The following CNBD1 variants were observed in gnomAD, a reference collection of about 807,000 sequenced individuals.
The protein encoded by CNBD1 is cyclic nucleotide-binding domain-containing protein 1.
A neutral mutation model predicts 54.4 loss-of-function variants in CNBD1; 71 were observed. The observed-to-expected ratio is 1.30, with a 90% confidence interval of 1.08 to 1.59. The LOEUF (loss-of-function observed/expected upper bound fraction) is 1.59, where lower values mean the gene tolerates loss of function less well. CNBD1 is among the 40% of genes most tolerant of loss of function. The probability of loss-of-function intolerance (pLI) is 0.00; values close to 1 mark genes in which losing one functional copy is unlikely to be tolerated. For missense variants in CNBD1, 659 were observed against 518.0 expected (o/e 1.27, Z -2.64); for synonymous variants, 182 against 170.7 (o/e 1.07, Z -0.51).
chr8:87,367,043 G>A (rs1810655694), intron 10 of CNBD1, among the ~76,000 whole-genome samples: 1 of 151,972 alleles, frequency 6.6e-6, no homozygotes, highest in Non-Finnish European at 1.5e-5. Flanking sequence ...TTCCTCTGCT[G>A]AGGGTACTTT....
At chr8:86,996,720 T>C (rs1808878674) in intron 4 of CNBD1, among the ~76,000 whole-genome samples, 2 of 152,308 alleles carry the variant, frequency 1.3e-5, no homozygotes, top group East Asian at 3.9e-4. Flanking sequence ...GCACAATGAG[T>C]TCAGAGTTTA....
At chr8:87,426,211 C>T (rs368891852) in intron 2 of CNBD1, among the ~76,000 whole-genome samples, 14 of 152,234 alleles carry the variant, frequency 9.2e-5, no homozygotes, top group South Asian at 2.1e-4. Context: ...GACCTGCGCC[C>T]GCTGTCTGGC....
rs189430293 is a variant in CNBD1 at position 86,978,259 on chromosome 8, C to T, written c.431+38505C>T. Among the ~76,000 whole-genome samples the T allele has an allele frequency of 2.4e-3, 364 of 152,156 alleles. 1 individual carries two copies. The highest frequency in any genetic ancestry group is 4.1e-3 in the Non-Finnish European group (280 of 67,990). ...ACCATTAATCTCGTTTACAGAAAGC[C>T]AATTTCTATGTTGACTTTTATGTGT... On this transcript the variant is annotated intron_variant, in intron 4 of 10. Coordinates refer to ENST00000518476, the MANE Select transcript of CNBD1 (RefSeq NM_173538.3).
chr8:87,225,146 G>A lies in CNBD1; in HGVS notation c.578-11773G>A, dbSNP rs1242973215. ...TATCAGCTTAAGGAGATTTTGGGCT[G>A]AGACAATGGGGTTTTCTAGATATAC... On this transcript the variant is annotated intron_variant, in intron 5 of 10. Coordinates refer to ENST00000518476, the MANE Select transcript of CNBD1 (RefSeq NM_173538.3). 6.0e-5 allele frequency among the ~76,000 whole-genome samples: 9 copies of A among 150,292 alleles called. No homozygotes were observed. The South Asian group carries it at 1.9e-3, about 32-fold the overall frequency.
chr8:86,878,736 TC>T lies in CNBD1; in HGVS notation c.89-8802del, dbSNP rs1308894663. ...TGCATCCTTCAGAGCTGTATCAGCTTCCCCTGGAGAACTCTTCCTATTTCCT... is the reference window on the plus strand; with the variant it reads ...TGCATCCTTCAGAGCTGTATCAGCTTCCCTGGAGAACTCTTCCTATTTCCT... On this transcript the variant is annotated intron_variant, in intron 1 of 10. Transcript: ENST00000518476. 4.6e-5 allele frequency among the ~76,000 whole-genome samples: 7 copies of T among 152,324 alleles called. No individual in the cohort carries two copies. The East Asian group carries it at 9.6e-4, about 21-fold the overall frequency.
chr8:87,394,350 A>G lies in CNBD1; in HGVS notation c.214-34196A>G, dbSNP rs11998239. 9.7e-3 allele frequency among the ~76,000 whole-genome samples: 1,479 copies of G among 152,038 alleles called. 21 individuals carry two copies. Among genetic ancestry groups the G allele is most frequent in the African/African-American group, 0.033 (1,362 of 41,544 alleles). On this transcript the variant is annotated intron_variant, in intron 2 of 7. Coordinates refer to the CNBD1 transcript ENST00000521593. ...AAGAAGCAGAATAGTTCAACTTCAC[A>G]TATATTCAGGTCTATCTGCAATTTA...
Position 87,088,246 on chromosome 8 carries a change from G to T in CNBD1, c.432-117747G>T, listed in dbSNP as rs1275968508. On this transcript the variant is annotated intron_variant, in intron 4 of 10. Coordinates refer to ENST00000518476, the MANE Select transcript of CNBD1 (RefSeq NM_173538.3). Reference sequence around the variant, plus strand: ...TTATGAATATTAAATAATGTTAGAGGTTAATGCACTACTAATGATAGGTTG... The same window carrying T: ...TTATGAATATTAAATAATGTTAGAGTTTAATGCACTACTAATGATAGGTTG... 2.0e-5 allele frequency among the ~76,000 whole-genome samples: 3 copies of T among 152,102 alleles called. No individual in the cohort carries two copies. In the East Asian group the frequency reaches 5.8e-4, roughly 29 times the overall value.
intron 4 of CNBD1, among the ~76,000 whole-genome samples, chr8:87,097,504 C>T (rs6468651): frequency 0.25 from 38,099 of 152,068 alleles, 5,193 homozygotes; most frequent in African/African-American, 0.35. Context: ...AGCACAAGTC[C>T]TGTCTTTATA....
At chr8:86,898,253 G>A (rs375251827) in intron 2 of CNBD1, among the ~76,000 whole-genome samples, 2 of 152,274 alleles carry the variant, frequency 1.3e-5, no homozygotes, top group South Asian at 4.1e-4. Context: ...TTTAACATGG[G>A]TTTTCTCTGA....
chr8:87,148,790 T>C (rs182441209), intron 4 of CNBD1, among the ~76,000 whole-genome samples: 1 of 152,182 alleles, frequency 6.6e-6, no homozygotes, highest in Admixed American at 6.5e-5. Flanking sequence ...TAAAAACAAA[T>C]AAATTTGAGC....
At chr8:87,310,441 C>G (rs1809241498) in intron 8 of CNBD1, among the ~76,000 whole-genome samples, 1 of 152,038 alleles carries the variant, frequency 6.6e-6, no homozygotes. Context: ...AGAAAGACCT[C>G]TATAAGGAAA....
At chr8:87,107,630 T>G (rs1811569393) in intron 4 of CNBD1, among the ~76,000 whole-genome samples, 1 of 152,232 alleles carries the variant, frequency 6.6e-6, no homozygotes. Flanking sequence ...AGTATATCCT[T>G]GTATCCCTAT....
chr8:87,324,780 G>A (rs1271489209), intron 8 of CNBD1, among the ~76,000 whole-genome samples: 1 of 140,680 alleles, frequency 7.1e-6, no homozygotes, highest in East Asian at 2.0e-4. Flanking sequence ...TTTTTTGAAG[G>A]GTTTTTTGTG....
At chr8:87,288,595 A>G (rs773587815) in intron 8 of CNBD1, among the ~76,000 whole-genome samples, 6 of 152,096 alleles carry the variant, frequency 3.9e-5, no homozygotes, top group Non-Finnish European at 7.4e-5. Context: ...CAAAAGTACT[A>G]AAATTTTGCA....
intron 8 of CNBD1, among the ~76,000 whole-genome samples, chr8:87,325,321 G>A (rs1425686367): frequency 0.017 from 1,370 of 82,652 alleles, 54 homozygotes; most frequent in African/African-American, 0.048. Flanking sequence ...TATTAGGTCC[G>A]CTTGGTACAG....
chr8:86,887,442 T>C, intron 1 of CNBD1, 100 bp from the exon 2 acceptor site: 1 of 727,704 alleles, frequency 1.4e-6, no homozygotes, highest in Admixed American at 2.4e-5. Flanking sequence ...AGTCACTGAA[T>C]TCTTTCACTA....
chr8:87,390,567 C>T (rs113401813), intron 2 of CNBD1, among the ~76,000 whole-genome samples: 2,870 of 152,098 alleles, frequency 0.019, 90 homozygotes, highest in African/African-American at 0.062. Context: ...GTTAGAATGG[C>T]GATCATTAAA....
intron 4 of CNBD1, among the ~76,000 whole-genome samples, chr8:87,176,851 T>C (rs1017791835): frequency 2.0e-5 from 3 of 152,116 alleles, no homozygotes; most frequent in African/African-American, 7.2e-5. Flanking sequence ...GGCTTCATAT[T>C]TTATGAAAGT....
At chr8:87,427,056 T>C (rs867265169) in intron 2 of CNBD1, among the ~76,000 whole-genome samples, 1 of 152,054 alleles carries the variant, frequency 6.6e-6, no homozygotes, top group Non-Finnish European at 1.5e-5. Context: ...TATGGAAGCA[T>C]TGAACAGATA....
Sources: gnomAD v4.1 joint callset for allele counts (sites outside exome capture counted in the v4.1 genomes callset) on GRCh38, gnomAD v4.1.1 for gene constraint, MANE v1.5 for transcripts, NCBI Gene and HGNC (gene_info 2026-07-23, HGNC 2026-07-21) for gene names.